FSIP1: variants seen among roughly 807,000 people sequenced by gnomAD.
FSIP1 encodes fibrous sheath-interacting protein 1.
FSIP1 carries 65 observed loss-of-function variants against 60.9 expected under a neutral mutation model. That is an observed-to-expected ratio of 1.07 (90% CI 0.87 to 1.31). FSIP1 has a LOEUF of 1.31. Ranked by LOEUF, FSIP1 falls within the 40% of genes most tolerant of loss-of-function variation. The pLI is 0.00. For synonymous variants in FSIP1, 209 were observed against 221.2 expected (o/e 0.94, Z 0.49); for missense variants, 675 against 665.5 (o/e 1.01, Z -0.16).
intron 9 of FSIP1, among the ~76,000 whole-genome samples, chr15:39,723,027 C>A (rs117059212): frequency 0.013 from 1,906 of 152,182 alleles, 20 homozygotes; most frequent in Admixed American, 0.026. Context: ...GAAATAAGTT[C>A]TTTATATCAC....
chr15:39,773,222 T>C (rs1023508211), intron 2 of FSIP1, among the ~76,000 whole-genome samples: 3 of 152,228 alleles, frequency 2.0e-5, no homozygotes, highest in African/African-American at 4.8e-5. Context: ...CACACCAAGA[T>C]TTATTAGTCA....
chr15:39,605,694 T>C (rs1890798623), intron 11 of FSIP1, among the ~76,000 whole-genome samples: 2 of 152,360 alleles, frequency 1.3e-5, no homozygotes, highest in African/African-American at 2.4e-5. Context: ...TGGGTGGTGG[T>C]AGAACTTGCT....
intron 10 of FSIP1, among the ~76,000 whole-genome samples, chr15:39,664,685 C>G (rs1052383494): frequency 6.6e-6 from 1 of 152,098 alleles, no homozygotes; most frequent in Non-Finnish European, 1.5e-5. Context: ...TCCCCCAATC[C>G]CCACCATCAA....
Position 39,740,375 on chromosome 15 carries a change from T to A in FSIP1, c.656-586A>T, listed in dbSNP as rs73395273. The stretch of plus-strand genomic sequence containing the variant: ...AAGAGGCTTGAGTCAATGTCTGAGA[T>A]ATTCAGACACCGAGTGCTCAAAATA... On this transcript the variant is annotated intron_variant, in intron 6 of 11. Coordinates refer to ENST00000350221, the MANE Select transcript of FSIP1 (RefSeq NM_152597.5). Among the ~76,000 whole-genome samples the A allele has an allele frequency of 7.3e-3, 1,105 of 152,350 alleles. 12 individuals are homozygous for A. Among genetic ancestry groups the A allele is most frequent in the African/African-American group, 0.025 (1,039 of 41,582 alleles).
intron 10 of FSIP1, among the ~76,000 whole-genome samples, chr15:39,704,389 G>T (rs541854507): frequency 2.0e-5 from 3 of 152,316 alleles, no homozygotes. Context: ...AACATGTCAG[G>T]TCTGTTTGGA....
intron 4 of FSIP1, among the ~76,000 whole-genome samples, chr15:39,764,825 CA>C (rs1210480488): frequency 1.3e-5 from 2 of 152,218 alleles, no homozygotes; most frequent in Non-Finnish European, 2.9e-5. Flanking sequence ...ACTTGTTTGT[CA>C]CAAAGGTTTA....
At chr15:39,711,538 G>A (rs1445815479) in intron 10 of FSIP1, among the ~76,000 whole-genome samples, 1 of 152,172 alleles carries the variant, frequency 6.6e-6, no homozygotes, top group Non-Finnish European at 1.5e-5. Flanking sequence ...CAGATATGGA[G>A]TGAGAGGAAG....
At chr15:39,713,894 C>A (rs1255401663) in intron 9 of FSIP1, among the ~76,000 whole-genome samples, 1 of 152,156 alleles carries the variant, frequency 6.6e-6, no homozygotes, top group Non-Finnish European at 1.5e-5. Context: ...CAGCTTGAGA[C>A]CTTGGACTTT....
At chr15:39,676,544 G>C (rs1221804397) in intron 10 of FSIP1, among the ~76,000 whole-genome samples, 1 of 152,162 alleles carries the variant, frequency 6.6e-6, no homozygotes, top group Non-Finnish European at 1.5e-5. Context: ...TCACGGAGCA[G>C]CTCAGTGCTC....
intron 10 of FSIP1, among the ~76,000 whole-genome samples, chr15:39,664,011 C>A (rs1432238864): frequency 1.3e-5 from 2 of 152,100 alleles, no homozygotes; most frequent in Non-Finnish European, 2.9e-5. Flanking sequence ...CATTAAAGGG[C>A]TGTTAAAAGA....
intron 8 of FSIP1, among the ~76,000 whole-genome samples, chr15:39,728,063 G>T (rs1896265230): frequency 6.6e-6 from 1 of 152,030 alleles, no homozygotes; most frequent in Non-Finnish European, 1.5e-5. Context: ...AAAATACCTA[G>T]GAATACAGCT....
intron 10 of FSIP1, among the ~76,000 whole-genome samples, chr15:39,699,446 T>G (rs1165933328): frequency 6.6e-6 from 1 of 152,260 alleles, no homozygotes; most frequent in African/African-American, 2.4e-5. Flanking sequence ...TCATTTCATT[T>G]TATTGAACGT....
chr15:39,625,762 G>T (rs1415574514), intron 10 of FSIP1, among the ~76,000 whole-genome samples: 2 of 152,168 alleles, frequency 1.3e-5, no homozygotes, highest in Admixed American at 6.5e-5. Flanking sequence ...AGGAGATGAG[G>T]TGCACAGATT....
rs143807165 is a variant in FSIP1 at position 39,754,368 on chromosome 15, A to T, written c.559+9453T>A. ...ATTCCTGGCCCACAGAAACTGTGAGATTATAAATGTTTGTTGGCTTAGGTT... is the reference window on the plus strand; with the variant it reads ...ATTCCTGGCCCACAGAAACTGTGAGTTTATAAATGTTTGTTGGCTTAGGTT... On this transcript the variant is annotated intron_variant, in intron 5 of 11. Coordinates refer to ENST00000350221, the MANE Select transcript of FSIP1 (RefSeq NM_152597.5). Among the ~76,000 whole-genome samples the T allele has an allele frequency of 1.1e-4, 16 of 152,204 alleles. No individual in the cohort carries two copies. In the East Asian group the frequency reaches 2.9e-3, roughly 28 times the overall value.
In FSIP1 at chr15:39,760,466, C is replaced by T. The variant is rs1595395078; in HGVS notation, c.559+3355G>A. 2.0e-5 allele frequency among the ~76,000 whole-genome samples: 3 copies of T among 152,242 alleles called. No homozygotes were observed. In the South Asian group the frequency reaches 6.2e-4, roughly 32 times the overall value. ...CATTACCAATAATAATATATAACAG[C>T]ATTAGGTATACCAAGTGTGATTGAC... On this transcript the variant is annotated intron_variant, in intron 5 of 11. Transcript: ENST00000350221.
intron 10 of FSIP1, among the ~76,000 whole-genome samples, chr15:39,685,398 C>T (rs1014291761): frequency 1.3e-5 from 2 of 152,124 alleles, no homozygotes; most frequent in African/African-American, 4.8e-5. Flanking sequence ...TATTTTATAT[C>T]TCAGTGAAAG....
chr15:39,701,046 G>C (rs1293467676), intron 10 of FSIP1, among the ~76,000 whole-genome samples: 1 of 152,166 alleles, frequency 6.6e-6, no homozygotes, highest in Admixed American at 6.5e-5. Context: ...CAGCTATTTG[G>C]GGGGCTGAGG....
intron 8 of FSIP1, among the ~76,000 whole-genome samples, chr15:39,735,370 A>G (rs78021838): frequency 0.011 from 1,640 of 152,328 alleles, 28 homozygotes; most frequent in African/African-American, 0.038. Context: ...ACTGTGTTGT[A>G]GGTGATTGTT....
At chr15:39,652,242 T>G (rs996883101) in intron 10 of FSIP1, among the ~76,000 whole-genome samples, 2 of 152,208 alleles carry the variant, frequency 1.3e-5, no homozygotes, top group African/African-American at 2.4e-5. Flanking sequence ...AGAATGCTAG[T>G]GCTATTCAAG....
Sources: gnomAD v4.1 joint callset for allele counts (sites outside exome capture counted in the v4.1 genomes callset) on GRCh38, gnomAD v4.1.1 for gene constraint, MANE v1.5 for transcripts, NCBI Gene and HGNC (gene_info 2026-07-23, HGNC 2026-07-21) for gene names.